Variants in NALCN observed in about 807,000 individuals in gnomAD.
NALCN encodes the protein sodium leak channel NALCN.
NALCN carries 111 observed loss-of-function variants against 225.3 expected under a neutral mutation model. The observed-to-expected ratio is 0.49, with a 90% confidence interval of 0.42 to 0.58. NALCN has a LOEUF of 0.58. Among genes scored for constraint, NALCN ranks in the 20% least tolerant of loss-of-function variants. The probability of loss-of-function intolerance (pLI) is 0.00; values close to 1 mark genes in which losing one functional copy is unlikely to be tolerated. For synonymous variants in NALCN, 764 were observed against 769.0 expected (o/e 0.99, Z 0.11); for missense variants, 1,378 against 2,202.4 (o/e 0.63, Z 7.49).
chr13:101,304,635 G>A (rs1461333471), intron 7 of NALCN, among the ~76,000 whole-genome samples: 5 of 151,978 alleles, frequency 3.3e-5, no homozygotes, highest in Non-Finnish European at 7.4e-5. Flanking sequence ...ACCAGGTTTC[G>A]CCATGTTGCT....
intron 7 of NALCN, among the ~76,000 whole-genome samples, chr13:101,322,665 T>C (rs1040312691): frequency 1.1e-4 from 17 of 152,198 alleles, no homozygotes; most frequent in African/African-American, 3.9e-4. Context: ...TTAACTATTA[T>C]AGAAGTATTG....
intron 13 of NALCN, among the ~76,000 whole-genome samples, chr13:101,222,885 T>C (rs149150324): frequency 7.9e-5 from 12 of 152,332 alleles, no homozygotes; most frequent in Non-Finnish European, 5.9e-5. Flanking sequence ...CAGTTATTCA[T>C]GGCAAAGAAC....
intron 27 of NALCN, among the ~76,000 whole-genome samples, chr13:101,097,638 C>T (rs1324318107): frequency 6.6e-6 from 1 of 152,166 alleles, no homozygotes; most frequent in Non-Finnish European, 1.5e-5. Context: ...TGGATATCCT[C>T]ATTAGGATAT....
chr13:101,129,804 A>T (rs2036427134), intron 17 of NALCN, among the ~76,000 whole-genome samples: 1 of 151,282 alleles, frequency 6.6e-6, no homozygotes, highest in African/African-American at 2.4e-5. Context: ...CATGTCCCAC[A>T]GTGGTTGGCT....
chr13:101,085,729 T>G (rs1354647744), intron 30 of NALCN, among the ~76,000 whole-genome samples: 1 of 152,196 alleles, frequency 6.6e-6, no homozygotes, highest in Non-Finnish European at 1.5e-5. Context: ...GCTGCTTATC[T>G]GAAATTCAAA....
intron 15 of NALCN, among the ~76,000 whole-genome samples, chr13:101,163,297 T>C (rs937279208): frequency 6.6e-6 from 1 of 152,168 alleles, no homozygotes; most frequent in Non-Finnish European, 1.5e-5. Context: ...TAAAGAATGA[T>C]ACAACCGACA....
chr13:101,204,441 A>C (rs2040239281), intron 13 of NALCN, among the ~76,000 whole-genome samples: 1 of 152,154 alleles, frequency 6.6e-6, no homozygotes, highest in African/African-American at 2.4e-5. Flanking sequence ...AGGAGAAAAA[A>C]ACTGTTTATT....
intron 10 of NALCN, among the ~76,000 whole-genome samples, chr13:101,262,059 G>A (rs1210426825): frequency 2.6e-5 from 4 of 152,180 alleles, no homozygotes; most frequent in Non-Finnish European, 5.9e-5. Flanking sequence ...ACCATGAAGA[G>A]ATGTTGAATT....
intron 15 of NALCN, 46 bp downstream of exon 15, chr13:101,176,254 C>A (rs748704568): frequency 2.1e-6 from 3 of 1,416,416 alleles, no homozygotes; most frequent in African/African-American, 3.0e-5. Flanking sequence ...TGGTTTGCCC[C>A]TGGTTTTTTG....
At chr13:101,381,230 T>C (rs1229720212) in intron 3 of NALCN, among the ~76,000 whole-genome samples, 1 of 152,098 alleles carries the variant, frequency 6.6e-6, no homozygotes, top group East Asian at 1.9e-4. Flanking sequence ...TATGAAGATT[T>C]ATACCCAAGG....
At chr13:101,251,006 A>T (rs2042047058) in intron 11 of NALCN, among the ~76,000 whole-genome samples, 1 of 152,130 alleles carries the variant, frequency 6.6e-6, no homozygotes, top group Non-Finnish European at 1.5e-5. Flanking sequence ...AAAAAAAAGT[A>T]GTATGAAGTA....
At chr13:101,125,313 G>T (rs937623662) in intron 17 of NALCN, among the ~76,000 whole-genome samples, 2 of 152,042 alleles carry the variant, frequency 1.3e-5, no homozygotes, top group Non-Finnish European at 2.9e-5. Context: ...CAGAAGAAGG[G>T]CAAAGAGAAA....
At chr13:101,285,878 C>A (rs918131860) in intron 9 of NALCN, among the ~76,000 whole-genome samples, 1 of 152,114 alleles carries the variant, frequency 6.6e-6, no homozygotes, top group Non-Finnish European at 1.5e-5. Flanking sequence ...TTAATAAAAA[C>A]CCTCTGTTGA....
chr13:101,070,225 C>T (rs1410775571), intron 37 of NALCN, among the ~76,000 whole-genome samples: 2 of 152,064 alleles, frequency 1.3e-5, no homozygotes, highest in African/African-American at 4.8e-5. Flanking sequence ...CACCACCATG[C>T]CCGGCTAATT....
At chr13:101,363,724 T>C (rs892185917) in intron 6 of NALCN, among the ~76,000 whole-genome samples, 3 of 151,660 alleles carry the variant, frequency 2.0e-5, no homozygotes, top group Admixed American at 2.0e-4. Flanking sequence ...AAAGCAAAAA[T>C]AGATAAATGG....
intron 16 of NALCN, 59 bp from the exon 17 acceptor site, chr13:101,143,280 C>T (rs1044786221): frequency 6.7e-6 from 10 of 1,503,006 alleles, no homozygotes; most frequent in Middle Eastern, 1.8e-4. Flanking sequence ...CAAGTGACAG[C>T]ATTTTGCAAT....
chr13:101,203,585 A>C (rs534236371), intron 13 of NALCN, among the ~76,000 whole-genome samples: 2 of 152,318 alleles, frequency 1.3e-5, no homozygotes, highest in African/African-American at 4.8e-5. Context: ...ATTTTTATAA[A>C]GTTCAAAAAT....
intron 39 of NALCN, 137 bp from the exon 40 acceptor site, chr13:101,065,698 T>G (rs2032325858): frequency 9.7e-7 from 1 of 1,031,076 alleles, no homozygotes; most frequent in African/African-American, 1.6e-5. Context: ...GCTGGTCACC[T>G]CCTTGGAGCC....
intron 18 of NALCN, among the ~76,000 whole-genome samples, chr13:101,121,403 A>G (rs2035966838): frequency 6.6e-6 from 1 of 152,192 alleles, no homozygotes; most frequent in Admixed American, 6.5e-5. Context: ...CTATTCTTAT[A>G]TCACTCTGGA....
Sources: gnomAD v4.1 joint callset for allele counts (sites outside exome capture counted in the v4.1 genomes callset) on GRCh38, gnomAD v4.1.1 for gene constraint, MANE v1.5 for transcripts, NCBI Gene and HGNC (gene_info 2026-07-23, HGNC 2026-07-21) for gene names.